Variants in CIT observed in about 807,000 individuals in gnomAD.
CIT encodes the protein citron Rho-interacting kinase.
CIT carries 79 observed loss-of-function variants against 272.7 expected under a neutral mutation model. The ratio of observed to expected loss-of-function variants is 0.29; its 90% CI spans 0.24 to 0.35. CIT has a LOEUF of 0.35. Among genes scored for constraint, CIT ranks in the 10% least tolerant of loss-of-function variants. The pLI is 1.00. For synonymous variants in CIT, 948 were observed against 995.6 expected (o/e 0.95, Z 0.90); for missense variants, 1,909 against 2,618.3 (o/e 0.73, Z 5.91).
chr12:119,749,001 C>G (rs183083924), intron 23 of CIT, among the ~76,000 whole-genome samples: 46 of 152,228 alleles, frequency 3.0e-4, no homozygotes, highest in Non-Finnish European at 6.2e-4. Context: ...GCAATAAGTA[C>G]GGAAGTATCT....
At chr12:119,814,963 A>G (rs1188321469) in intron 9 of CIT, among the ~76,000 whole-genome samples, 3 of 150,314 alleles carry the variant, frequency 2.0e-5, no homozygotes. Context: ...GCTTGAACCC[A>G]GGAGGCAGAA....
chr12:119,775,755 G>T (rs764491757), intron 16 of CIT, 31 bp downstream of exon 16: 2 of 1,576,322 alleles, frequency 1.3e-6, no homozygotes, highest in Admixed American at 1.7e-5. Context: ...GTGGTGGGGG[G>T]TAAGTTCCTG....
chr12:119,866,900 C>T (rs1165177036), intron 3 of CIT, among the ~76,000 whole-genome samples: 1 of 152,190 alleles, frequency 6.6e-6, no homozygotes, highest in African/African-American at 2.4e-5. Flanking sequence ...GGCTGTGTTC[C>T]AGTAAAACCT....
intron 37 of CIT, chr12:119,711,134 C>T (rs146928618): frequency 1.1e-4 from 144 of 1,359,258 alleles, no homozygotes; most frequent in East Asian, 2.7e-4. Flanking sequence ...TAAAAGCTCA[C>T]GTGTGAAACG....
chr12:119,708,183 C>A lies in CIT; in HGVS notation c.5207G>T (p.Gly1736Val). 1 of 1,576,924 alleles carries A rather than the reference C, an allele frequency of 6.3e-7. No individual in the cohort carries two copies. The highest frequency in any genetic ancestry group is 8.6e-7 in the Non-Finnish European group (1 of 1,161,648). ...AGGACTCTGAGGGGAGCTTACCTTG[C>A]CTGCCCCAAACAAGTGGCAGCCCTT... The part of the protein sequence containing the change: ...AVKGCHLFGA[G>V]KIENGLCICA... The change falls in exon 40 of 48, where the codon GGC (glycine) becomes GTC (valine). Residue 1736 changes from glycine to valine, a missense_variant. Transcript: ENST00000392521.
At chr12:119,755,231 C>T (rs1352707174) in intron 22 of CIT, among the ~76,000 whole-genome samples, 4 of 152,056 alleles carry the variant, frequency 2.6e-5, no homozygotes, top group Non-Finnish European at 5.9e-5. Context: ...GCCTGGGCAA[C>T]ATAGCAAGAC....
chr12:119,744,625 A>C (rs1382728051), intron 23 of CIT, among the ~76,000 whole-genome samples: 1 of 149,434 alleles, frequency 6.7e-6, no homozygotes, highest in Non-Finnish European at 1.5e-5. Context: ...CTGAGGCAGG[A>C]GAATGGTGTG....
chr12:119,796,653 G>A (rs1273866858), intron 10 of CIT, among the ~76,000 whole-genome samples: 4 of 152,158 alleles, frequency 2.6e-5, no homozygotes, highest in South Asian at 2.1e-4. Flanking sequence ...CACAGTGTAC[G>A]ATGGGAGGAG....
At chr12:119,754,924 G>C (rs1960741621) in intron 22 of CIT, among the ~76,000 whole-genome samples, 1 of 152,222 alleles carries the variant, frequency 6.6e-6, no homozygotes, top group African/African-American at 2.4e-5. Flanking sequence ...GGGAAGGCAA[G>C]AGACAGCCAG....
At chr12:119,781,405 T>C (rs1345333655) in intron 13 of CIT, among the ~76,000 whole-genome samples, 1 of 152,192 alleles carries the variant, frequency 6.6e-6, no homozygotes, top group African/African-American at 2.4e-5. Flanking sequence ...TTTGCAGAAG[T>C]TTCTTGCATT....
At chr12:119,835,772 G>C (rs531233704) in intron 5 of CIT, among the ~76,000 whole-genome samples, 1 of 152,058 alleles carries the variant, frequency 6.6e-6, no homozygotes, top group Non-Finnish European at 1.5e-5. Context: ...AAGGCCTCAG[G>C]CTGGTCCAGT....
rs11547118 is a variant in CIT, at chr12:119,690,188, G to A, written c.6149C>T (p.Ala2050Val). The stretch of plus-strand genomic sequence containing the variant: ...GGACAGCGGGGTCCTCACGGCTCCC[G>A]CAGGCAGCCGGCCCCTGCTGCTGTC... The part of the protein sequence containing the change: ...FEDSSRGRLP[A>V]GAVRTPLSQV... Residue 2050 changes from alanine to valine, a missense_variant, in exon 47 of 48, where the codon GCG (alanine) becomes GTG (valine). This residue lies in a region of CIT where 780 missense variants were observed against 1,067.2 expected (regional missense o/e 0.73). Coordinates refer to ENST00000392521, the MANE Select transcript of CIT (RefSeq NM_001206999.2). This position sits in a 1 kb window ranked among gnomAD's most constrained non-coding sequence, Gnocchi z 6.0. 4.0e-6 allele frequency: 6 copies of A among 1,487,044 alleles called. No homozygotes were observed. Among genetic ancestry groups the A allele is most frequent in the African/African-American group, 1.4e-5 (1 of 69,370 alleles). The allele number at this position is 1,487,044 out of a possible 1,614,324, so 92.1% of individuals were successfully genotyped here.
rs151032027 is a variant in CIT, at chr12:119,713,292, T to C, written c.4490A>G (p.Asn1497Ser). Residue 1497 changes from asparagine (N) to serine (S), a missense_variant and splice_region_variant, in exon 35 of 48, where the codon AAT becomes AGT. Physicochemically the swap from Asn to Ser is conservative, Grantham distance 46 (BLOSUM62 1). Around this residue, in one of 8 missense-constraint regions of CIT, gnomAD observed 780 missense variants for 1,067.2 expected, o/e 0.73. Transcript: ENST00000392521. This position sits in a 1 kb window ranked among gnomAD's most constrained non-coding sequence, Gnocchi z 5.2. Reference sequence around the variant, plus strand: ...CCAGCCTTGCTGTCCTCGTTTGTTATTCCTGGGGAAAGAAAGATGGAAAAG... The same window carrying C: ...CCAGCCTTGCTGTCCTCGTTTGTTACTCCTGGGGAAAGAAAGATGGAAAAG... ...HLEGWMKVPRNNKRGQQGWDR... is the reference protein window; with the variant it reads ...HLEGWMKVPRSNKRGQQGWDR... 16 of 1,613,836 alleles carry C rather than the reference T, an allele frequency of 9.9e-6. No homozygotes were observed. Among genetic ancestry groups the C allele is most frequent in the Non-Finnish European group, 1.1e-5 (13 of 1,179,838 alleles).
At chr12:119,726,080 C>T (rs1958083759) in intron 28 of CIT, among the ~76,000 whole-genome samples, 1 of 151,792 alleles carries the variant, frequency 6.6e-6, no homozygotes, top group South Asian at 2.1e-4. Flanking sequence ...AGGCAAAATA[C>T]ACGACATAAA....
intron 32 of CIT, among the ~76,000 whole-genome samples, chr12:119,717,834 C>CTTTATTTTTTTTTTTTTTTTTTT (rs546520444): frequency 1.4e-5 from 1 of 70,244 alleles, no homozygotes; most frequent in Non-Finnish European, 3.0e-5. Flanking sequence ...AGACTGACTT[C>CTTTATTTTTTTTTTTTTTTTTTT]TTTCTTTTTT....
intron 3 of CIT, among the ~76,000 whole-genome samples, chr12:119,865,263 G>C (rs1232902315): frequency 6.6e-6 from 1 of 152,120 alleles, no homozygotes; most frequent in Admixed American, 6.6e-5. Flanking sequence ...AGTAACCAGA[G>C]GACAGTCTCA....
rs565055860 is a variant in CIT at position 119,701,874 on chromosome 12, C to T, written c.5389G>A (p.Asp1797Asn). Residue 1797 changes from aspartate to asparagine, a missense_variant, in exon 42 of 48, where the codon GAC (aspartate) becomes AAC (asparagine). Asp to Asn is a conservative substitution (Grantham distance 23). Transcript: ENST00000392521. ...CCCTCGAGCGTGTACTGCTTCATGT[C>T]GATTTCGTAGAATTTATTGGTTCCA... The part of the protein sequence containing the change: ...LIGTNKFYEI[D>N]MKQYTLEEFL... The T allele has an allele frequency of 8.7e-6, 14 of 1,614,050 alleles. No individual in the cohort carries two copies. Among genetic ancestry groups the T allele is most frequent in the Admixed American group, 5.0e-5 (3 of 60,012 alleles).
Position 119,784,526 on chromosome 12 carries a change from T to C in CIT, c.1401+434A>G, listed in dbSNP as rs1456269263. 1.7e-6 allele frequency: 2 copies of C among 1,184,492 alleles called. No individual in the cohort carries two copies. Among genetic ancestry groups the C allele is most frequent in the East Asian group, 6.0e-5 (1 of 16,654 alleles). 73.4% of individuals were successfully genotyped at this position (1,184,492 alleles called of 1,614,324 possible). ...TTATTAGTTTCCAGAGCGTTGCCTC[T>C]GGGCAGGAACAGTGAATGTTAAGAG... On this transcript the variant is annotated intron_variant, in intron 11 of 47. Coordinates refer to ENST00000392521, the MANE Select transcript of CIT (RefSeq NM_001206999.2). The surrounding 1 kb of genome is among the most constrained non-coding windows in gnomAD (Gnocchi z 4.7).
chr12:119,828,626 G>A (rs997432192), intron 7 of CIT, among the ~76,000 whole-genome samples: 8 of 151,346 alleles, frequency 5.3e-5, no homozygotes, highest in African/African-American at 9.7e-5. Context: ...GCAGTGGCGC[G>A]ATCTTGGCTC....
Sources: gnomAD v4.1 joint callset for allele counts (sites outside exome capture counted in the v4.1 genomes callset) on GRCh38, gnomAD v4.1.1 for gene constraint, gnomAD v4.1.1 regional missense constraint, Gnocchi (gnomAD v3.1) non-coding constraint, MANE v1.5 for transcripts, NCBI Gene and HGNC (gene_info 2026-07-23, HGNC 2026-07-21) for gene names.